Variants in CAMK1D observed in about 807,000 individuals in gnomAD.
CAMK1D encodes calcium/calmodulin dependent protein kinase ID, also known as calcium/calmodulin-dependent protein kinase type 1D.
In CAMK1D, 9 loss-of-function variants were observed where a neutral mutation model predicts 47.7. That is an observed-to-expected ratio of 0.19 (90% CI 0.11 to 0.33). The LOEUF (loss-of-function observed/expected upper bound fraction) is 0.33. Among genes scored for constraint, CAMK1D ranks in the 10% least tolerant of loss-of-function variants. The probability of loss-of-function intolerance (pLI) is 1.00; values close to 1 mark genes in which losing one functional copy is unlikely to be tolerated. For synonymous variants in CAMK1D, 184 were observed against 184.9 expected, an observed-to-expected ratio of 0.99 and a Z score of 0.04; for missense variants, 291 against 488.7, an observed-to-expected ratio of 0.60 and a Z score of 3.81.
At chr10:12,787,132 AAAGAAGAAG>A (rs61193558) in intron 5 of CAMK1D, among the ~76,000 whole-genome samples, 33,644 of 150,924 alleles carry the variant, frequency 0.22, 3,935 homozygotes, top group East Asian at 0.46. Flanking sequence ...CAAAGAAAAA[AAAGAAGAAG>A]AAGAAGAAGA....
intron 6 of CAMK1D, among the ~76,000 whole-genome samples, chr10:12,802,190 C>G (rs1838511050): frequency 6.6e-6 from 1 of 152,176 alleles, no homozygotes; most frequent in South Asian, 2.1e-4. Flanking sequence ...TCACTTATAT[C>G]TATTAACTTT....
chr10:12,503,100 A>G (rs1054774143), intron 1 of CAMK1D, among the ~76,000 whole-genome samples: 1 of 152,204 alleles, frequency 6.6e-6, no homozygotes, highest in East Asian at 1.9e-4. Context: ...TTATGTATGC[A>G]AGCATGTACC....
chr10:12,691,774 A>T (rs542199590), intron 3 of CAMK1D, among the ~76,000 whole-genome samples: 1 of 152,064 alleles, frequency 6.6e-6, no homozygotes, highest in African/African-American at 2.4e-5. Context: ...TATGCAGTAT[A>T]TGTGGTGCAT....
intron 3 of CAMK1D, among the ~76,000 whole-genome samples, chr10:12,704,016 A>C (rs1184401549): frequency 1.3e-5 from 2 of 152,220 alleles, no homozygotes; most frequent in Non-Finnish European, 2.9e-5. Context: ...TTGGTGAGCC[A>C]AAAGTCACCC....
chr10:12,445,450 A>C (rs943648512), intron 1 of CAMK1D, among the ~76,000 whole-genome samples: 3 of 152,254 alleles, frequency 2.0e-5, no homozygotes, highest in African/African-American at 7.2e-5. Context: ...TTTCACATGA[A>C]GACAGGCCAT....
At chr10:12,377,412 G>T (rs1838216164) in intron 1 of CAMK1D, among the ~76,000 whole-genome samples, 1 of 152,298 alleles carries the variant, frequency 6.6e-6, no homozygotes, top group South Asian at 2.1e-4. Flanking sequence ...TATATGAGTG[G>T]ATGTTGTCCT....
At chr10:12,713,625 T>A (rs1315287392) in intron 3 of CAMK1D, among the ~76,000 whole-genome samples, 1 of 152,088 alleles carries the variant, frequency 6.6e-6, no homozygotes, top group Admixed American at 6.5e-5. Flanking sequence ...GAAAGGAGGA[T>A]TGGGGGACCC....
intron 1 of CAMK1D, among the ~76,000 whole-genome samples, chr10:12,375,633 T>G (rs934786129): frequency 2.0e-5 from 3 of 152,212 alleles, no homozygotes; most frequent in Non-Finnish European, 4.4e-5. Flanking sequence ...ACATTTGGCT[T>G]CTTCTGTCCT....
intron 1 of CAMK1D, among the ~76,000 whole-genome samples, chr10:12,552,955 C>A (rs1588625407): frequency 1.3e-5 from 2 of 152,142 alleles, no homozygotes; most frequent in South Asian, 4.2e-4. Context: ...GTTGGCCAGG[C>A]TGGTCTTAAA....
At chr10:12,591,851 G>A (rs1396059349) in intron 2 of CAMK1D, among the ~76,000 whole-genome samples, 4 of 152,110 alleles carry the variant, frequency 2.6e-5, no homozygotes, top group South Asian at 4.1e-4. Flanking sequence ...ATGCCACCAC[G>A]CCCAGCTAAT....
chr10:12,808,210 C>T (rs970405767), intron 6 of CAMK1D, among the ~76,000 whole-genome samples: 3 of 152,242 alleles, frequency 2.0e-5, no homozygotes, highest in African/African-American at 4.8e-5. Flanking sequence ...TTGGCTTGCA[C>T]GCCCTTGTAT....
chr10:12,385,279 C>T (rs1838458218), intron 1 of CAMK1D, among the ~76,000 whole-genome samples: 1 of 152,080 alleles, frequency 6.6e-6, no homozygotes. Flanking sequence ...AATATGTGCC[C>T]ATATGAAAAC....
At chr10:12,514,084 C>T (rs983755827) in intron 1 of CAMK1D, among the ~76,000 whole-genome samples, 10 of 152,280 alleles carry the variant, frequency 6.6e-5, no homozygotes, top group African/African-American at 1.9e-4. Flanking sequence ...CCCTGACTTG[C>T]TATGATGAGG....
At chr10:12,692,537 C>T (rs1832968213) in intron 3 of CAMK1D, among the ~76,000 whole-genome samples, 1 of 151,880 alleles carries the variant, frequency 6.6e-6, no homozygotes, top group African/African-American at 2.4e-5. Flanking sequence ...GTTGCAAAAC[C>T]CTTTCTAAGC....
At chr10:12,684,963 A>G (rs1211148414) in intron 3 of CAMK1D, among the ~76,000 whole-genome samples, 1 of 152,246 alleles carries the variant, frequency 6.6e-6, no homozygotes, top group East Asian at 1.9e-4. Flanking sequence ...TAAGCAGATA[A>G]TGTTTTTCAA....
chr10:12,354,433 T>C (rs1477084496), intron 1 of CAMK1D, among the ~76,000 whole-genome samples: 2 of 146,604 alleles, frequency 1.4e-5, no homozygotes, highest in Admixed American at 1.4e-4. Flanking sequence ...TTTCTTTTCT[T>C]TTTTTTTTTT....
chr10:12,770,656 G>A (rs915564704), intron 5 of CAMK1D, among the ~76,000 whole-genome samples: 1 of 152,120 alleles, frequency 6.6e-6, no homozygotes, highest in African/African-American at 2.4e-5. Flanking sequence ...GTACTATGAA[G>A]AAACTAAACC....
chr10:12,768,759 G>A (rs1564547721), intron 4 of CAMK1D, among the ~76,000 whole-genome samples: 1 of 150,904 alleles, frequency 6.6e-6, no homozygotes, highest in African/African-American at 2.4e-5. Flanking sequence ...ACGCAGCAGT[G>A]CAAGGACAAG....
chr10:12,651,790 T>A (rs1395138746), intron 2 of CAMK1D, among the ~76,000 whole-genome samples: 1 of 151,984 alleles, frequency 6.6e-6, no homozygotes, highest in East Asian at 1.9e-4. Flanking sequence ...TAACTTTTTT[T>A]TTTTTTGAGA....
Sources: gnomAD v4.1 joint callset for allele counts (sites outside exome capture counted in the v4.1 genomes callset) on GRCh38, gnomAD v4.1.1 for gene constraint, MANE v1.5 for transcripts, NCBI Gene and HGNC (gene_info 2026-07-23, HGNC 2026-07-21) for gene names.